Variants in C14orf39 observed in about 807,000 individuals in gnomAD.
The protein encoded by C14orf39 is protein SIX6OS1.
A neutral mutation model predicts 85.6 loss-of-function variants in C14orf39; 66 were observed. The ratio of observed to expected loss-of-function variants is 0.77; its 90% CI spans 0.63 to 0.95. The LOEUF is 0.95. Ranked by LOEUF, C14orf39 falls within the 40% of genes least tolerant of loss-of-function variation. The pLI, the probability that C14orf39 is intolerant of heterozygous loss-of-function variation, is 0.00. For synonymous variants in C14orf39, 242 were observed against 214.0 expected (o/e 1.13, Z -1.14); for missense variants, 735 against 663.9 (o/e 1.11, Z -1.18).
rs1482032804 is a variant in C14orf39 at position 60,454,985 on chromosome 14, T to C, written c.1503+16A>G. The C allele has an allele frequency of 6.7e-7, 1 of 1,486,512 alleles. No individual in the cohort carries two copies. Among genetic ancestry groups the C allele is most frequent in the Non-Finnish European group, 8.9e-7 (1 of 1,124,340 alleles). 92.1% of individuals were successfully genotyped at this position (1,486,512 alleles called of 1,614,324 possible). ...GCAGAATTTTTAGAAATAAAACTTT[T>C]GGCTTCTCATATTACCTGATCTGAT... On this transcript the variant is annotated intron_variant, in intron 16 of 17. Transcript: ENST00000321731.
chr14:60,497,024 G>A (rs555255994), intron 2 of C14orf39: 56 of 152,302 alleles, frequency 3.7e-4, no homozygotes, highest in African/African-American at 1.3e-3. Flanking sequence ...GGCCTACAGG[G>A]ACCTTTACGG....
At chr14:60,514,874 C>T (rs1893341682) in intron 1 of C14orf39, among the ~76,000 whole-genome samples, 1 of 152,172 alleles carries the variant, frequency 6.6e-6, no homozygotes, top group South Asian at 2.1e-4. Flanking sequence ...AGCCCGGGGG[C>T]GGCCGTGAAT....
Position 60,471,589 on chromosome 14 carries a change from T to C in C14orf39, c.474A>G (p.Gln158=). 1 of 1,598,288 alleles carries C rather than the reference T, an allele frequency of 6.3e-7. No homozygotes were observed. The highest frequency in any genetic ancestry group is 1.1e-5 in the South Asian group (1 of 87,364). ...IQSRVLACTE[Q]LKMNETIFMK... is the part of the protein sequence containing the mutation. ...TAAAAATTGTTTCATTCATTTTTAA[T>C]TGTTCAGTACATGCCAACACTCTGC... The change falls in exon 6 of 18, where the codon CAA becomes CAG. Residue 158 remains glutamine, a synonymous_variant. Coordinates refer to ENST00000321731, the MANE Select transcript of C14orf39 (RefSeq NM_174978.3).
intron 8 of C14orf39, among the ~76,000 whole-genome samples, chr14:60,469,045 T>G (rs1436435430): frequency 6.6e-6 from 1 of 151,468 alleles, no homozygotes; most frequent in Non-Finnish European, 1.5e-5. Flanking sequence ...CACAATTTCA[T>G]GGATGACATC....
intron 1 of C14orf39, among the ~76,000 whole-genome samples, chr14:60,501,267 C>G (rs1426635565): frequency 7.1e-6 from 1 of 141,826 alleles, no homozygotes; most frequent in Non-Finnish European, 1.5e-5. Flanking sequence ...GATTGTGCCA[C>G]TGCACTCCAT....
intron 8 of C14orf39, among the ~76,000 whole-genome samples, chr14:60,468,805 G>A (rs1461187315): frequency 6.6e-6 from 1 of 151,392 alleles, no homozygotes; most frequent in East Asian, 1.9e-4. Context: ...AGTAGACATT[G>A]ATTCCTTACA....
At chr14:60,463,356 G>T (rs1039931582) in intron 11 of C14orf39, among the ~76,000 whole-genome samples, 2 of 151,818 alleles carry the variant, frequency 1.3e-5, no homozygotes, top group African/African-American at 4.8e-5. Flanking sequence ...TGCTCATTCT[G>T]TTATTGTCTT....
chr14:60,506,997 A>G (rs1893212100), intron 1 of C14orf39, among the ~76,000 whole-genome samples: 1 of 152,146 alleles, frequency 6.6e-6, no homozygotes, highest in African/African-American at 2.4e-5. Context: ...TAAAAGGGCG[A>G]GAGGGAGACG....
chr14:60,491,151 C>G lies in C14orf39; in HGVS notation c.-8-6065G>C, dbSNP rs1247144741. The stretch of plus-strand genomic sequence containing the variant: ...TCCATCCTGCACTATAACAAAACAC[C>G]ACTACCTAGATAATTCATAAATAAT... On this transcript the variant is annotated intron_variant, in intron 2 of 5. Transcript: ENST00000556799. This position sits in a 1 kb window ranked among gnomAD's most constrained non-coding sequence, Gnocchi z 4.5. Among the ~76,000 whole-genome samples, 3 of 152,136 alleles carry G rather than the reference C, an allele frequency of 2.0e-5. No homozygotes were observed. The highest frequency in any genetic ancestry group is 7.2e-5 in the African/African-American group (3 of 41,422).
At chr14:60,456,893 AAT>A (rs764173083) in intron 15 of C14orf39, 22 bp downstream of exon 15, 6 of 1,515,092 alleles carry the variant, frequency 4.0e-6, no homozygotes, top group Non-Finnish European at 4.4e-6. Context: ...ATAATTTAAC[AAT>A]AGTTATTAAT....
At chr14:60,444,866 C>T (rs1890686373) in intron 16 of C14orf39, among the ~76,000 whole-genome samples, 1 of 152,224 alleles carries the variant, frequency 6.6e-6, no homozygotes, top group African/African-American at 2.4e-5. Flanking sequence ...AACAGCAGAT[C>T]TCTCAGCAGA....
chr14:60,509,463 A>T lies in C14orf39; in HGVS notation c.-144+5932T>A, dbSNP rs577043418. The T allele has an allele frequency of 9.9e-5, 159 of 1,600,358 alleles. No homozygotes were observed. The East Asian group carries it at 3.5e-3, about 35-fold the overall frequency. ...GTGGCCGGGGTATGTGAGACCCTGG[A>T]AGAGAGCGGCGATGTGGAGCGCCTG... On this transcript the variant is annotated intron_variant, in intron 1 of 5. Transcript: ENST00000556799.
chr14:60,509,592 G>A, intron 1 of C14orf39: 1 of 1,613,318 alleles, frequency 6.2e-7, no homozygotes, highest in Non-Finnish European at 8.5e-7. Context: ...TTTCACGGTG[G>A]CAACTACCGC....
intron 1 of C14orf39, chr14:60,509,141 AC>A (rs1893249010): frequency 3.8e-6 from 2 of 528,258 alleles, no homozygotes; most frequent in African/African-American, 4.0e-5. Context: ...CAATCCGCCC[AC>A]CCCAATAGCG....
intron 1 of C14orf39, among the ~76,000 whole-genome samples, chr14:60,500,161 G>A (rs746791681): frequency 3.9e-5 from 6 of 152,144 alleles, no homozygotes; most frequent in Non-Finnish European, 8.8e-5. Context: ...CCAGATAGCT[G>A]GGATTACAAG....
Position 60,455,121 on chromosome 14 carries a change from A to G in C14orf39, c.1383T>C (p.Pro461=), listed in dbSNP as rs1358520987. 2 of 1,563,266 alleles carry G rather than the reference A, an allele frequency of 1.3e-6. No individual in the cohort carries two copies. Among genetic ancestry groups the G allele is most frequent in the Non-Finnish European group, 1.7e-6 (2 of 1,161,580 alleles). ...GGGATTCCTTTTCTGTTTGAACTTC[A>G]GGTACTGCATTTCTATTTCTGTTAC... ...FEINRNRNAV[P]EVQTEKESPG... Residue 461 remains proline, a synonymous_variant, in exon 16 of 18, where the codon CCT becomes CCC. Coordinates refer to ENST00000321731, the MANE Select transcript of C14orf39 (RefSeq NM_174978.3).
chr14:60,456,395 T>G (rs2140072118), intron 15 of C14orf39, among the ~76,000 whole-genome samples: 1 of 151,162 alleles, frequency 6.6e-6, no homozygotes, highest in African/African-American at 2.4e-5. Flanking sequence ...GTCTACAATC[T>G]ACCATATGTG....
intron 2 of C14orf39, chr14:60,495,483 C>A (rs1893057261): frequency 5.5e-6 from 1 of 181,854 alleles, no homozygotes; most frequent in Non-Finnish European, 1.2e-5. Flanking sequence ...TGGAGAGCAT[C>A]CCTGTTACAA....
At chr14:60,471,850 T>C (rs1468364350) in intron 5 of C14orf39, 111 bp from the exon 6 acceptor site, 2 of 625,064 alleles carry the variant, frequency 3.2e-6, no homozygotes, top group Admixed American at 6.9e-5. Context: ...TGTCTTCTTA[T>C]TCTTGCTTCC....
Sources: gnomAD v4.1 joint callset for allele counts (sites outside exome capture counted in the v4.1 genomes callset) on GRCh38, gnomAD v4.1.1 for gene constraint, Gnocchi (gnomAD v3.1) non-coding constraint, MANE v1.5 for transcripts, NCBI Gene and HGNC (gene_info 2026-07-23, HGNC 2026-07-21) for gene names.